Variants in DUSP29 observed in about 807,000 individuals in gnomAD.
The protein encoded by DUSP29 is dual specificity phosphatase 29, also known as atypical dual-specific protein phosphatase.
Under a neutral mutation model 13.5 loss-of-function variants are expected in DUSP29, and 12 were observed. The observed-to-expected ratio is 0.89, with a 90% CI of 0.57 to 1.44. The LOEUF is 1.44. Ranked by LOEUF, DUSP29 falls within the 40% of genes most tolerant of loss-of-function variation. DUSP29 has a pLI of 0.00. For missense variants in DUSP29, 308 were observed against 301.1 expected (o/e 1.02, Z -0.17); for synonymous variants, 134 against 128.7 (o/e 1.04, Z -0.28).
intron 2 of DUSP29, among the ~76,000 whole-genome samples, chr10:75,045,977 A>C (rs1235810518): frequency 6.6e-6 from 1 of 151,952 alleles, no homozygotes; most frequent in South Asian, 2.1e-4. Flanking sequence ...TTAGCCGGGC[A>C]TGCTGGCATG....
rs148770361 is a variant in DUSP29, at chr10:75,066,007, G to A, written c.-34-7459C>T. ...CAGCCTCCTGAAGCACTGAGATTAC[G>A]GGTGTGAGCCACTTTGGCCTATTTG... On this transcript the variant is annotated intron_variant, in intron 1 of 3. Coordinates refer to ENST00000338487, the MANE Select transcript of DUSP29 (RefSeq NM_001003892.3). Among the ~76,000 whole-genome samples the A allele has an allele frequency of 3.5e-3, 540 of 152,138 alleles. 1 individual carries two copies. Among genetic ancestry groups the A allele is most frequent in the African/African-American group, 0.012 (514 of 41,480 alleles).
At chr10:75,044,924 A>G (rs1423895615) in intron 2 of DUSP29, among the ~76,000 whole-genome samples, 2 of 152,198 alleles carry the variant, frequency 1.3e-5, no homozygotes, top group East Asian at 1.9e-4. Flanking sequence ...AGGAAACAGC[A>G]CCACCTGAGG....
intron 3 of DUSP29, among the ~76,000 whole-genome samples, chr10:75,042,706 A>T (rs1589856631): frequency 6.6e-6 from 1 of 152,272 alleles, no homozygotes; most frequent in African/African-American, 2.4e-5. Context: ...GATATTGTCC[A>T]GCAGACCTGG....
At chr10:75,052,132 C>T (rs1446348494) in intron 2 of DUSP29, among the ~76,000 whole-genome samples, 1 of 152,072 alleles carries the variant, frequency 6.6e-6, no homozygotes, top group Non-Finnish European at 1.5e-5. Context: ...AGGAGGCAAG[C>T]ATATTTTATT....
At chr10:75,066,679 G>T (rs1847208326) in intron 1 of DUSP29, among the ~76,000 whole-genome samples, 1 of 152,154 alleles carries the variant, frequency 6.6e-6, no homozygotes, top group South Asian at 2.1e-4. Context: ...CGGAGTAGAA[G>T]CTCACCCAAA....
chr10:75,044,561 G>T (rs896341573), intron 2 of DUSP29, among the ~76,000 whole-genome samples: 2 of 152,204 alleles, frequency 1.3e-5, no homozygotes, highest in Admixed American at 6.5e-5. Flanking sequence ...GCTTTGGGGA[G>T]CTGTTGCCCA....
At chr10:75,051,893 A>G (rs1048515484) in intron 2 of DUSP29, among the ~76,000 whole-genome samples, 4 of 152,218 alleles carry the variant, frequency 2.6e-5, no homozygotes, top group African/African-American at 9.6e-5. Flanking sequence ...TGCTCTTGCA[A>G]TAAGCGTCTG....
intron 2 of DUSP29, among the ~76,000 whole-genome samples, chr10:75,049,403 C>G (rs1182325357): frequency 6.6e-6 from 1 of 152,198 alleles, no homozygotes; most frequent in Non-Finnish European, 1.5e-5. Context: ...TGATTGGACT[C>G]GGCATTTGCC....
intron 3 of DUSP29, among the ~76,000 whole-genome samples, chr10:75,039,285 A>G (rs1282881365): frequency 1.3e-5 from 2 of 152,138 alleles, no homozygotes; most frequent in African/African-American, 4.8e-5. Flanking sequence ...GCAGGTCCTT[A>G]TGTTCTCACA....
intron 2 of DUSP29, among the ~76,000 whole-genome samples, chr10:75,054,143 T>A (rs1236031371): frequency 2.6e-5 from 4 of 152,188 alleles, no homozygotes; most frequent in Non-Finnish European, 5.9e-5. Context: ...ATGCATAGGA[T>A]CTGGACTTGG....
intron 1 of DUSP29, among the ~76,000 whole-genome samples, chr10:75,068,744 C>T (rs1332518204): frequency 2.0e-5 from 3 of 151,942 alleles, no homozygotes; most frequent in Non-Finnish European, 2.9e-5. Context: ...TGGGGAGGGG[C>T]GGAATTTGGC....
At chr10:75,043,243 G>A (rs559362313) in intron 3 of DUSP29, among the ~76,000 whole-genome samples, 4 of 152,348 alleles carry the variant, frequency 2.6e-5, no homozygotes, top group African/African-American at 9.6e-5. Flanking sequence ...GTGGGCAGGA[G>A]AATTTAAGGT....
chr10:75,072,065 C>G (rs1203740232), intron 1 of DUSP29, among the ~76,000 whole-genome samples: 2 of 152,316 alleles, frequency 1.3e-5, no homozygotes, highest in Middle Eastern at 3.4e-3. Context: ...CTGGCTCCCC[C>G]ATCTGCTGAG....
Position 75,037,695 on chromosome 10 carries a change from C to A in DUSP29, c.*141G>T, listed in dbSNP as rs1846491740. The stretch of plus-strand genomic sequence containing the variant: ...AGCTCTGGGTCCTCCCTGTCCCCAG[C>A]ACACATGGGGAAGTTGAACAAGATG... On this transcript the variant is annotated 3_prime_UTR_variant, in exon 4 of 4. Transcript: ENST00000338487. 5 of 1,403,676 alleles carry A rather than the reference C, an allele frequency of 3.6e-6. No homozygotes were observed. The Admixed American group carries it at 8.9e-5, about 25-fold the overall frequency. The allele number at this position is 1,403,676 out of a possible 1,614,324, so 87.0% of individuals were successfully genotyped here.
intron 2 of DUSP29, among the ~76,000 whole-genome samples, chr10:75,044,732 T>C (rs1310252542): frequency 2.6e-5 from 4 of 152,166 alleles, no homozygotes; most frequent in African/African-American, 9.7e-5. Flanking sequence ...CCTCTTGAAG[T>C]AGGTGGCTCT....
chr10:75,039,270 T>C (rs72803466), intron 3 of DUSP29, among the ~76,000 whole-genome samples: 1 of 152,108 alleles, frequency 6.6e-6, no homozygotes, highest in Admixed American at 6.5e-5. Flanking sequence ...TGCATACCTA[T>C]GCTTGCAGGT....
At chr10:75,044,764 G>A (rs1477408437) in intron 2 of DUSP29, among the ~76,000 whole-genome samples, 1 of 152,208 alleles carries the variant, frequency 6.6e-6, no homozygotes, top group Non-Finnish European at 1.5e-5. Context: ...CGATGAGAAG[G>A]CAGCATGGTG....
intron 2 of DUSP29, among the ~76,000 whole-genome samples, chr10:75,050,408 T>C (rs1182704768): frequency 6.6e-6 from 1 of 152,270 alleles, no homozygotes; most frequent in East Asian, 1.9e-4. Flanking sequence ...AGGACAACAC[T>C]TGGTTAACCT....
At chr10:75,039,293 A>G (rs1396280222) in intron 3 of DUSP29, among the ~76,000 whole-genome samples, 1 of 152,162 alleles carries the variant, frequency 6.6e-6, no homozygotes, top group Non-Finnish European at 1.5e-5. Flanking sequence ...TTATGTTCTC[A>G]CATACAGTCA....
Sources: gnomAD v4.1 joint callset for allele counts (sites outside exome capture counted in the v4.1 genomes callset) on GRCh38, gnomAD v4.1.1 for gene constraint, MANE v1.5 for transcripts, NCBI Gene and HGNC (gene_info 2026-07-23, HGNC 2026-07-21) for gene names.